TRIO: variants seen among roughly 807,000 people sequenced by gnomAD.
TRIO encodes the protein trio Rho guanine nucleotide exchange factor.
In TRIO, 58 loss-of-function variants were observed where a neutral mutation model predicts 351.9. That is an observed-to-expected ratio of 0.16 (90% CI 0.13 to 0.21). The LOEUF is 0.21. Ranked by LOEUF, TRIO falls within the 10% of genes least tolerant of loss-of-function variation. TRIO has a pLI of 1.00. For missense variants in TRIO, 3,201 were observed against 4,027.8 expected (o/e 0.79, Z 5.56); for synonymous variants, 1,758 against 1,595.7 (o/e 1.10, Z -2.42).
rs375879436 is a variant in TRIO at position 14,401,025 on chromosome 5, G to A, written c.4677G>A (p.Val1559=). The A allele has an allele frequency of 1.2e-6, 2 of 1,613,966 alleles. No homozygotes were observed. The highest frequency in any genetic ancestry group is 1.7e-6 in the Non-Finnish European group (2 of 1,180,012). Residue 1559 remains valine, a synonymous_variant, in exon 31 of 57, where the codon GTG becomes GTA. Coordinates refer to ENST00000344204, the MANE Select transcript of TRIO (RefSeq NM_007118.4). ...ACCCTTGCAAATTTGCACTGTGGGT[G>A]GGGAGAACACCAACTTCAGATAATA... ...EGDPCKFALW[V]GRTPTSDNKI...
chr5:14,177,951 A>G (rs536157815), intron 1 of TRIO, among the ~76,000 whole-genome samples: 6 of 152,064 alleles, frequency 3.9e-5, no homozygotes, highest in Non-Finnish European at 8.8e-5. Context: ...AACATTGTCT[A>G]CTTTTTTGTT....
At chr5:14,428,299 C>G (rs1224318173) in intron 34 of TRIO, among the ~76,000 whole-genome samples, 2 of 152,158 alleles carry the variant, frequency 1.3e-5, no homozygotes, top group African/African-American at 4.8e-5. Flanking sequence ...AGAAAACACA[C>G]CCCAAGCACA....
intron 11 of TRIO, among the ~76,000 whole-genome samples, chr5:14,339,748 A>G (rs1352476278): frequency 6.6e-6 from 1 of 152,214 alleles, no homozygotes; most frequent in Non-Finnish European, 1.5e-5. Flanking sequence ...TTCCCTGACC[A>G]GCCTGAGAAT....
chr5:14,357,534 A>G (rs1047659552), intron 11 of TRIO, among the ~76,000 whole-genome samples: 10 of 151,792 alleles, frequency 6.6e-5, no homozygotes, highest in Non-Finnish European at 1.5e-4. Flanking sequence ...AGCCTGTTTT[A>G]TGGTGGTGGC....
chr5:14,454,964 T>C (rs2126454243), intron 34 of TRIO, among the ~76,000 whole-genome samples: 1 of 148,138 alleles, frequency 6.8e-6, no homozygotes, highest in South Asian at 2.2e-4. Flanking sequence ...GTTACAGCGC[T>C]TAAGGTGGCA....
intron 1 of TRIO, among the ~76,000 whole-genome samples, chr5:14,200,719 C>T (rs1452693292): frequency 2.0e-5 from 3 of 151,674 alleles, no homozygotes; most frequent in Admixed American, 6.6e-5. Flanking sequence ...TGTTTTGGTT[C>T]GTAGTGCAGA....
chr5:14,376,666 C>T (rs1346910886), intron 19 of TRIO, among the ~76,000 whole-genome samples: 2 of 152,222 alleles, frequency 1.3e-5, no homozygotes, highest in East Asian at 3.8e-4. Flanking sequence ...TCATACATTG[C>T]TGCCTATTTT....
At chr5:14,361,946 C>T (rs1744188871) in intron 13 of TRIO, among the ~76,000 whole-genome samples, 1 of 152,168 alleles carries the variant, frequency 6.6e-6, no homozygotes, top group Admixed American at 6.5e-5. Flanking sequence ...GGTGAAACCC[C>T]ATCTCTACTA....
intron 8 of TRIO, among the ~76,000 whole-genome samples, chr5:14,306,168 T>G (rs1561317450): frequency 6.9e-6 from 1 of 145,844 alleles, no homozygotes; most frequent in Non-Finnish European, 1.6e-5. Context: ...CCCGTGGCAG[T>G]TGGTATTTGT....
rs1561540145 is a variant in TRIO, at chr5:14,481,527, C to T, written c.6388-14C>T. The stretch of plus-strand genomic sequence containing the variant: ...GGAACTTGAGCTTTCACTCTTCTCT[C>T]TCCCCTCCCACAGAGAGCTGTGGAA... On this transcript the variant is annotated splice_polypyrimidine_tract_variant and intron_variant, in intron 44 of 56. Transcript: ENST00000344204. The T allele has an allele frequency of 1.2e-6, 2 of 1,613,976 alleles. No individual in the cohort carries two copies. The highest frequency in any genetic ancestry group is 1.7e-5 in the Admixed American group (1 of 60,014).
chr5:14,244,937 C>T (rs12522960), intron 1 of TRIO, among the ~76,000 whole-genome samples: 65,404 of 151,998 alleles, frequency 0.43, 16,669 homozygotes, highest in Non-Finnish European at 0.55. Context: ...AGGTATAGCC[C>T]CAGGAAAAGA....
intron 34 of TRIO, among the ~76,000 whole-genome samples, chr5:14,452,091 A>C (rs957845852): frequency 3.9e-5 from 6 of 152,218 alleles, no homozygotes; most frequent in South Asian, 4.1e-4. Flanking sequence ...ACATGTGTGC[A>C]TGTTTGGCTG....
At chr5:14,291,788 T>TA (rs57424190) in intron 5 of TRIO, among the ~76,000 whole-genome samples, 1,319 of 100,838 alleles carry the variant, frequency 0.013, 80 homozygotes, top group African/African-American at 0.048. Context: ...GACTCCGTCT[T>TA]AAAAAAAAAA....
intron 28 of TRIO, among the ~76,000 whole-genome samples, chr5:14,394,742 G>C (rs1218418760): frequency 6.6e-6 from 1 of 152,168 alleles, no homozygotes; most frequent in Non-Finnish European, 1.5e-5. Flanking sequence ...AGTTGTGAGT[G>C]ACTATAGTTA....
At chr5:14,427,952 T>TTCTTC (rs1243629006) in intron 34 of TRIO, among the ~76,000 whole-genome samples, 4 of 152,172 alleles carry the variant, frequency 2.6e-5, no homozygotes, top group African/African-American at 9.7e-5. Flanking sequence ...GAGACCAAGG[T>TTCTTC]TCTTCTCTAC....
chr5:14,376,988 A>G (rs1020206521), intron 19 of TRIO, among the ~76,000 whole-genome samples: 2 of 152,124 alleles, frequency 1.3e-5, no homozygotes, highest in Non-Finnish European at 2.9e-5. Context: ...TAAATTGTGA[A>G]CTTCGTATTT....
intron 1 of TRIO, among the ~76,000 whole-genome samples, chr5:14,215,690 C>G (rs1303204063): frequency 6.6e-6 from 1 of 152,184 alleles, no homozygotes; most frequent in Non-Finnish European, 1.5e-5. Context: ...TCCAGTGATT[C>G]CATGAAGTGT....
chr5:14,463,452 C>G (rs1030362665), intron 36 of TRIO, among the ~76,000 whole-genome samples: 2 of 152,190 alleles, frequency 1.3e-5, no homozygotes, highest in African/African-American at 4.8e-5. Flanking sequence ...GTGTAGGAAT[C>G]AGTTGAAAGC....
chr5:14,387,340 G>C (rs1294796948), intron 21 of TRIO, 98 bp from the exon 22 acceptor site: 1 of 1,298,108 alleles, frequency 7.7e-7, no homozygotes, highest in East Asian at 2.3e-5. Context: ...CGGTTTTCCT[G>C]TTCAGAGCTC....
Sources: gnomAD v4.1 joint callset for allele counts (sites outside exome capture counted in the v4.1 genomes callset) on GRCh38, gnomAD v4.1.1 for gene constraint, MANE v1.5 for transcripts, NCBI Gene and HGNC (gene_info 2026-07-23, HGNC 2026-07-21) for gene names.